BRINP3: variants seen among roughly 807,000 people sequenced by gnomAD.
BRINP3 encodes BMP/retinoic acid-inducible neural-specific protein 3.
A neutral mutation model predicts 71.0 loss-of-function variants in BRINP3; 19 were observed. The observed-to-expected ratio is 0.27, with a 90% CI of 0.19 to 0.39. The LOEUF is 0.39. Among genes scored for constraint, BRINP3 ranks in the 10% least tolerant of loss-of-function variants. The probability of loss-of-function intolerance (pLI) is 1.00; values close to 1 mark genes in which losing one functional copy is unlikely to be tolerated. For synonymous variants in BRINP3, 380 were observed against 337.7 expected (o/e 1.13, Z -1.37); for missense variants, 959 against 940.8 (o/e 1.02, Z -0.25).
intron 7 of BRINP3, among the ~76,000 whole-genome samples, chr1:190,150,006 C>T (rs1355247688): frequency 2.0e-5 from 3 of 152,108 alleles, no homozygotes; most frequent in Non-Finnish European, 4.4e-5. Flanking sequence ...AATGTATTCA[C>T]TCACTTTATA....
intron 6 of BRINP3, among the ~76,000 whole-genome samples, chr1:190,198,224 T>C (rs1488724533): frequency 6.6e-6 from 1 of 152,164 alleles, no homozygotes; most frequent in Non-Finnish European, 1.5e-5. Context: ...TTTTTTCTCC[T>C]AGGCCTATAG....
At chr1:190,444,143 GAATA>G (rs1675031888) in intron 2 of BRINP3, among the ~76,000 whole-genome samples, 1 of 144,008 alleles carries the variant, frequency 6.9e-6, no homozygotes, top group South Asian at 2.3e-4. Context: ...TGAGGCAGGA[GAATA>G]GTTTGAACCC....
chr1:190,183,917 G>A (rs931401849), intron 6 of BRINP3, among the ~76,000 whole-genome samples: 1 of 152,096 alleles, frequency 6.6e-6, no homozygotes, highest in Non-Finnish European at 1.5e-5. Flanking sequence ...TGTTTGGCAG[G>A]AGCAGGACAA....
At chr1:190,113,497 C>T (rs142100603) in intron 7 of BRINP3, among the ~76,000 whole-genome samples, 156 of 152,260 alleles carry the variant, frequency 1.0e-3, no homozygotes, top group Non-Finnish European at 2.0e-3. Context: ...CAATCTTTCA[C>T]GGAATTATGC....
At chr1:190,145,130 A>T (rs1305963328) in intron 7 of BRINP3, among the ~76,000 whole-genome samples, 1 of 152,142 alleles carries the variant, frequency 6.6e-6, no homozygotes, top group Non-Finnish European at 1.5e-5. Flanking sequence ...TTATTAACTC[A>T]TAATTTCCAG....
intron 1 of BRINP3, among the ~76,000 whole-genome samples, chr1:190,471,657 G>A (rs992378483): frequency 1.3e-5 from 2 of 151,280 alleles, no homozygotes; most frequent in Non-Finnish European, 3.0e-5. Context: ...ACTGTCTAAA[G>A]TTTCTCCATT....
chr1:190,239,633 A>G (rs1658863942), intron 4 of BRINP3, among the ~76,000 whole-genome samples: 1 of 152,094 alleles, frequency 6.6e-6, no homozygotes, highest in Non-Finnish European at 1.5e-5. Flanking sequence ...TATAAATGTT[A>G]TATGTTACTA....
At chr1:190,205,710 A>G (rs815337) in intron 6 of BRINP3, among the ~76,000 whole-genome samples, 90,884 of 151,772 alleles carry the variant, frequency 0.6, 28,162 homozygotes, top group African/African-American at 0.78. Flanking sequence ...ACTCAGAAGA[A>G]GGTACAAGAA....
At chr1:190,125,863 C>A (rs1370934813) in intron 7 of BRINP3, among the ~76,000 whole-genome samples, 1 of 151,932 alleles carries the variant, frequency 6.6e-6, no homozygotes, top group Non-Finnish European at 1.5e-5. Context: ...AAGAAGCAGG[C>A]TCTCTTTTTC....
intron 2 of BRINP3, among the ~76,000 whole-genome samples, chr1:190,404,630 G>C (rs1672142116): frequency 6.6e-6 from 1 of 152,096 alleles, no homozygotes; most frequent in Non-Finnish European, 1.5e-5. Flanking sequence ...AGTTTTCTAG[G>C]CTCTTTCATA....
chr1:190,157,863 A>G (rs1473688501), intron 7 of BRINP3, among the ~76,000 whole-genome samples: 1 of 152,126 alleles, frequency 6.6e-6, no homozygotes, highest in Non-Finnish European at 1.5e-5. Context: ...CAAGGAATCA[A>G]CCTAGGTTTC....
intron 2 of BRINP3, among the ~76,000 whole-genome samples, chr1:190,441,824 T>C (rs1571320632): frequency 6.6e-6 from 1 of 152,110 alleles, no homozygotes; most frequent in East Asian, 1.9e-4. Flanking sequence ...CTGAGTGTTA[T>C]CATTGGATTA....
At chr1:190,213,661 T>A (rs573729288) in intron 6 of BRINP3, among the ~76,000 whole-genome samples, 23 of 152,088 alleles carry the variant, frequency 1.5e-4, no homozygotes, top group Non-Finnish European at 2.2e-4. Flanking sequence ...TTGTTGGACA[T>A]TAGGGATAAT....
intron 6 of BRINP3, among the ~76,000 whole-genome samples, chr1:190,188,344 G>T (rs1352296149): frequency 6.6e-6 from 1 of 152,036 alleles, no homozygotes; most frequent in Admixed American, 6.6e-5. Flanking sequence ...TTATAATTTG[G>T]ATACCTTTTA....
At chr1:190,454,600 T>C in intron 2 of BRINP3, 55 bp downstream of exon 2, 1 of 1,442,722 alleles carries the variant, frequency 6.9e-7, no homozygotes, top group Non-Finnish European at 9.6e-7. Context: ...GAAACTTATG[T>C]ATACACAACC....
rs193257272 is a variant in BRINP3 at position 190,360,112 on chromosome 1, C to T, written c.237-78362G>A. Among the ~76,000 whole-genome samples, 3 of 152,226 alleles carry T rather than the reference C, an allele frequency of 2.0e-5. No homozygotes were observed. The East Asian group carries it at 5.8e-4, about 29-fold the overall frequency. ...AAGTGGCATCTAAACTGTAAATTTCCCTCACTCTACTATTCAGATTCTTTT... is the reference window on the plus strand; with the variant it reads ...AAGTGGCATCTAAACTGTAAATTTCTCTCACTCTACTATTCAGATTCTTTT... On this transcript the variant is annotated intron_variant, in intron 2 of 7. Coordinates refer to ENST00000367462, the MANE Select transcript of BRINP3 (RefSeq NM_199051.3).
At chr1:190,436,926 C>G (rs773145023) in intron 2 of BRINP3, among the ~76,000 whole-genome samples, 6 of 151,788 alleles carry the variant, frequency 4.0e-5, no homozygotes, top group Non-Finnish European at 5.9e-5. Flanking sequence ...TTACTCTCAA[C>G]AAACATATAG....
intron 7 of BRINP3, among the ~76,000 whole-genome samples, chr1:190,121,944 C>T (rs1322726069): frequency 6.6e-6 from 1 of 152,044 alleles, no homozygotes; most frequent in African/African-American, 2.4e-5. Flanking sequence ...TGAACTGAGG[C>T]TTGTAGAATG....
At chr1:190,460,068 T>G (rs1254091439) in intron 1 of BRINP3, among the ~76,000 whole-genome samples, 1 of 152,016 alleles carries the variant, frequency 6.6e-6, no homozygotes, top group Non-Finnish European at 1.5e-5. Context: ...AATACTACTT[T>G]GCTCTATAAA....
Sources: allele counts gnomAD v4.1 joint callset (sites outside exome capture counted in the v4.1 genomes callset), GRCh38; gene constraint gnomAD v4.1.1; transcripts MANE v1.5; gene names NCBI Gene and HGNC (gene_info 2026-07-23, HGNC 2026-07-21).